ATG14: variants seen among roughly 807,000 people sequenced by gnomAD.
The protein encoded by ATG14 is autophagy related 14.
In ATG14, 35 loss-of-function variants were observed where a neutral mutation model predicts 60.4. The ratio of observed to expected loss-of-function variants is 0.58; its 90% CI spans 0.44 to 0.77. ATG14 has a LOEUF of 0.77. ATG14 is among the 30% of genes least tolerant of loss of function. The pLI is 0.00. For synonymous variants in ATG14, 234 were observed against 228.8 expected (o/e 1.02, Z -0.21); for missense variants, 647 against 626.3 (o/e 1.03, Z -0.35).
chr14:55,375,644 T>G (rs920636901), intron 9 of ATG14, among the ~76,000 whole-genome samples: 3 of 152,054 alleles, frequency 2.0e-5, no homozygotes, highest in African/African-American at 4.8e-5. Flanking sequence ...ATGCCTGGTT[T>G]GAACTATCAT....
chr14:55,386,211 C>T, intron 4 of ATG14, 115 bp from the exon 5 acceptor site: 1 of 854,706 alleles, frequency 1.2e-6, no homozygotes. Context: ...GAAAGCAAAA[C>T]CTGAATAATA....
chr14:55,380,760 T>A, intron 6 of ATG14, 70 bp from the exon 7 acceptor site: 1 of 1,017,442 alleles, frequency 9.8e-7, no homozygotes. Flanking sequence ...TCCACGAGTT[T>A]ATCATTTATG....
chr14:55,378,735 G>T (rs1884969594), intron 7 of ATG14, among the ~76,000 whole-genome samples: 1 of 151,912 alleles, frequency 6.6e-6, no homozygotes, highest in African/African-American at 2.4e-5. Flanking sequence ...GTCTCACTCT[G>T]TCACCCAGGC....
intron 9 of ATG14, among the ~76,000 whole-genome samples, chr14:55,372,578 CCTTT>C (rs1228863443): frequency 6.6e-6 from 1 of 151,672 alleles, no homozygotes; most frequent in Non-Finnish European, 1.5e-5. Context: ...TTCTTTCCAT[CCTTT>C]CTTCCTCACT....
At chr14:55,375,883 G>A (rs775151406) in intron 9 of ATG14, among the ~76,000 whole-genome samples, 9 of 152,148 alleles carry the variant, frequency 5.9e-5, no homozygotes, top group Non-Finnish European at 1.2e-4. Flanking sequence ...TGTAAGTAAC[G>A]TGCCATGAAG....
rs187247139 is a variant in ATG14, at chr14:55,394,616, G to A, written c.327+1324C>T. Reference sequence around the variant, plus strand: ...TCACAGCACTGTATCAAAGTTATTAGGAAAACAGGACTACCACGACCAAAG... The same window carrying A: ...TCACAGCACTGTATCAAAGTTATTAAGAAAACAGGACTACCACGACCAAAG... On this transcript the variant is annotated intron_variant, in intron 3 of 9. Coordinates refer to ENST00000247178, the MANE Select transcript of ATG14 (RefSeq NM_014924.5). Among the ~76,000 whole-genome samples, 3 of 152,188 alleles carry A rather than the reference G, an allele frequency of 2.0e-5. 1 individual carries two copies. Among genetic ancestry groups the A allele is most frequent in the African/African-American group, 4.8e-5 (2 of 41,524 alleles).
At chr14:55,405,983 G>T (rs1885483278) in intron 1 of ATG14, among the ~76,000 whole-genome samples, 1 of 152,076 alleles carries the variant, frequency 6.6e-6, no homozygotes, top group Non-Finnish European at 1.5e-5. Context: ...GGATGATGTG[G>T]GTGAGGATAC....
chr14:55,407,773 T>C (rs1284672495), intron 1 of ATG14, among the ~76,000 whole-genome samples: 1 of 152,096 alleles, frequency 6.6e-6, no homozygotes, highest in Non-Finnish European at 1.5e-5. Flanking sequence ...TAGGGTACTG[T>C]GATAGCAAAT....
intron 9 of ATG14, among the ~76,000 whole-genome samples, chr14:55,371,801 C>T (rs997194200): frequency 6.6e-6 from 1 of 151,952 alleles, no homozygotes; most frequent in Non-Finnish European, 1.5e-5. Context: ...GAGACTCTGT[C>T]TCAAAAAACA....
At chr14:55,379,658 ATAGT>A (rs146435159) in intron 7 of ATG14, among the ~76,000 whole-genome samples, 129 of 152,316 alleles carry the variant, frequency 8.5e-4, no homozygotes, top group Non-Finnish European at 1.6e-3. Flanking sequence ...AAATGCAATG[ATAGT>A]TGGAGGGTAG....
chr14:55,393,104 G>A (rs1393241117), intron 3 of ATG14, among the ~76,000 whole-genome samples: 1 of 152,170 alleles, frequency 6.6e-6, no homozygotes, highest in East Asian at 1.9e-4. Flanking sequence ...ATATATGACT[G>A]GGCGCGGTGG....
chr14:55,402,968 T>TATATATATAC (rs1336670488), intron 1 of ATG14, among the ~76,000 whole-genome samples: 1 of 60,988 alleles, frequency 1.6e-5, no homozygotes, highest in East Asian at 4.9e-4. Context: ...TATATATATA[T>TATATATATAC]AAATAGCTGG....
intron 7 of ATG14, among the ~76,000 whole-genome samples, chr14:55,378,791 A>T (rs374227500): frequency 4.6e-5 from 7 of 151,964 alleles, no homozygotes; most frequent in Non-Finnish European, 8.8e-5. Context: ...CTGCAGCCTC[A>T]ATCTCCTGGG....
At chr14:55,410,986 C>G (rs1443945454) in intron 1 of ATG14, among the ~76,000 whole-genome samples, 1 of 152,204 alleles carries the variant, frequency 6.6e-6, no homozygotes, top group African/African-American at 2.4e-5. Context: ...TAAAAGCATG[C>G]AGCTCCCAAT....
chr14:55,390,881 G>A, intron 4 of ATG14, 30 bp downstream of exon 4: 1 of 1,467,974 alleles, frequency 6.8e-7, no homozygotes, highest in Non-Finnish European at 9.4e-7. Context: ...GCACTTTCTA[G>A]GGCTGGAAGG....
chr14:55,396,392 G>T (rs1253110434), intron 2 of ATG14, among the ~76,000 whole-genome samples: 1 of 152,294 alleles, frequency 6.6e-6, no homozygotes, highest in South Asian at 2.1e-4. Flanking sequence ...GAAAAATAAA[G>T]TTTTTGTGTT....
chr14:55,369,526 A>G lies in ATG14; in HGVS notation c.*93T>C. On this transcript the variant is annotated 3_prime_UTR_variant, in exon 10 of 10. Coordinates refer to ENST00000247178, the MANE Select transcript of ATG14 (RefSeq NM_014924.5). ...CAACACTTTAACCTCTTTGTTCCAG[A>G]CACTATCTTAACTTAAACAGAAAAT... 1.7e-6 allele frequency: 2 copies of G among 1,201,348 alleles called. No individual in the cohort carries two copies. Among genetic ancestry groups the G allele is most frequent in the Non-Finnish European group, 2.3e-6 (2 of 881,790 alleles). 74.4% of individuals were successfully genotyped at this position (1,201,348 alleles called of 1,614,324 possible).
In ATG14 at chr14:55,369,828, C is replaced by T. The variant is rs372330344; in HGVS notation, c.1270G>A (p.Val424Ile). Residue 424 changes from valine (V) to isoleucine (I), a missense_variant, in exon 10 of 10, where the codon GTC (valine) becomes ATC (isoleucine). By Grantham distance (29) the Val-to-Ile change is conservative. Coordinates refer to ENST00000247178, the MANE Select transcript of ATG14 (RefSeq NM_014924.5). ...GESDESGDER[V>I]SDEETDLGTD... ...CCCAGGTCGGTTTCTTCATCGCTGA[C>T]GCGCTCATCTCCGCTCTCATCTGAT... 161 of 1,614,096 alleles carry T rather than the reference C, an allele frequency of 1.0e-4. No individual in the cohort carries two copies. Among genetic ancestry groups the T allele is most frequent in the Admixed American group, 4.5e-4 (27 of 60,012 alleles).
intron 1 of ATG14, 124 bp downstream of exon 1, chr14:55,411,478 C>T (rs1885570924): frequency 1.0e-6 from 1 of 955,522 alleles, no homozygotes; most frequent in Admixed American, 2.5e-5. Flanking sequence ...AGCTACACTC[C>T]CTCTCTCTCG....
Sources: gnomAD v4.1 joint callset for allele counts (sites outside exome capture counted in the v4.1 genomes callset) on GRCh38, gnomAD v4.1.1 for gene constraint, MANE v1.5 for transcripts, NCBI Gene and HGNC (gene_info 2026-07-23, HGNC 2026-07-21) for gene names.